NCOA3: variants seen among roughly 807,000 people sequenced by gnomAD.
NCOA3 encodes the protein CBP-interacting protein.
Under a neutral mutation model 158.8 loss-of-function variants are expected in NCOA3, and 51 were observed. The ratio of observed to expected loss-of-function variants is 0.32; its 90% confidence interval spans 0.26 to 0.41. NCOA3 has a LOEUF of 0.41. Ranked by LOEUF, NCOA3 falls within the 10% of genes least tolerant of loss-of-function variation. NCOA3 has a pLI of 1.00. For missense variants in NCOA3, 1,510 were observed against 1,746.6 expected (o/e 0.86, Z 2.41); for synonymous variants, 537 against 592.4 (o/e 0.91, Z 1.36).
chr20:47,573,056 A>G (rs115261779), intron 1 of NCOA3, among the ~76,000 whole-genome samples: 1 of 152,204 alleles, frequency 6.6e-6, no homozygotes, highest in Non-Finnish European at 1.5e-5. Flanking sequence ...ATCTTATATG[A>G]GCACAGTGCA....
chr20:47,593,052 G>A (rs1221219972), intron 2 of NCOA3, among the ~76,000 whole-genome samples: 8 of 151,958 alleles, frequency 5.3e-5, no homozygotes, highest in Non-Finnish European at 1.0e-4. Flanking sequence ...TCCTGCCTCA[G>A]CCTCTCAAGT....
In NCOA3 at chr20:47,639,050, A is replaced by T. The variant is rs368676623; in HGVS notation, c.2555A>T (p.Tyr852Phe). Residue 852 changes from tyrosine to phenylalanine, a missense_variant, in exon 14 of 23, where the codon TAT (tyrosine) becomes TTT (phenylalanine). Physicochemically the swap from Tyr to Phe is conservative, Grantham distance 22. Transcript: ENST00000371998. ...TCTGTGCAGTCTATTCGTCCTCCAT[A>T]TAACCGAGCAGTGTCTCTGGATAGC... is the stretch of plus-strand genomic sequence containing the variant. ...SQSVQSIRPP[Y>F]NRAVSLDSPV... is the part of the protein sequence containing the mutation. 6.2e-7 allele frequency: 1 copy of T among 1,614,116 alleles called. No homozygotes were observed.
At chr20:47,549,305 T>G (rs904068443) in intron 1 of NCOA3, among the ~76,000 whole-genome samples, 2 of 151,662 alleles carry the variant, frequency 1.3e-5, no homozygotes, top group African/African-American at 4.8e-5. Context: ...GAGGATCACT[T>G]AAGCCCAGGA....
intron 1 of NCOA3, among the ~76,000 whole-genome samples, chr20:47,547,789 C>T (rs2084857240): frequency 6.6e-6 from 1 of 151,710 alleles, no homozygotes; most frequent in Non-Finnish European, 1.5e-5. Context: ...GATCTCAGCT[C>T]ACTGCAACCT....
intron 2 of NCOA3, among the ~76,000 whole-genome samples, chr20:47,617,741 G>A (rs533903623): frequency 5.3e-5 from 8 of 152,256 alleles, no homozygotes; most frequent in Admixed American, 3.9e-4. Context: ...GACCAGAAAT[G>A]CTTTTTTATT....
chr20:47,509,251 G>A (rs990969885), intron 1 of NCOA3, among the ~76,000 whole-genome samples: 1 of 151,878 alleles, frequency 6.6e-6, no homozygotes, highest in Non-Finnish European at 1.5e-5. Flanking sequence ...AAAATTAGCC[G>A]GGCATGGTGA....
At chr20:47,630,603 C>T (rs1043813357) in intron 8 of NCOA3, 1 of 152,020 alleles carries the variant, frequency 6.6e-6, no homozygotes, top group African/African-American at 2.4e-5. Context: ...GCTGGGACTA[C>T]AGGTATGTGC....
chr20:47,651,918 G>A (rs754883683), intron 20 of NCOA3, among the ~76,000 whole-genome samples: 14 of 151,828 alleles, frequency 9.2e-5, no homozygotes, highest in Non-Finnish European at 1.9e-4. Context: ...TGCCTGCATC[G>A]GCCTCCCAAA....
At chr20:47,551,737 C>T (rs912521018) in intron 1 of NCOA3, among the ~76,000 whole-genome samples, 16 of 151,962 alleles carry the variant, frequency 1.1e-4, no homozygotes, top group Admixed American at 2.6e-4. Context: ...TTGTGTATGC[C>T]ATAGCAATTT....
At chr20:47,642,594 C>T (rs1271389236) in intron 17 of NCOA3, among the ~76,000 whole-genome samples, 9 of 152,012 alleles carry the variant, frequency 5.9e-5, no homozygotes, top group East Asian at 5.8e-4. Context: ...CTTACGATTG[C>T]GATATTACTT....
intron 1 of NCOA3, among the ~76,000 whole-genome samples, chr20:47,528,558 A>G (rs1423818761): frequency 6.6e-6 from 1 of 152,158 alleles, no homozygotes; most frequent in Non-Finnish European, 1.5e-5. Context: ...TTAGTATACA[A>G]TATATTACTT....
chr20:47,522,099 C>CTTTTTTT lies in NCOA3; in HGVS notation c.-99+20097_-99+20103dup, dbSNP rs772811888. On this transcript the variant is annotated intron_variant, in intron 1 of 22. Coordinates refer to ENST00000371998, the MANE Select transcript of NCOA3 (RefSeq NM_181659.3). ...GTTTTGTAGTTACCATTGTACAGATCTTTTTTTTTTTTTTTTTTTTTTTGA... is the reference window on the plus strand; with the variant it reads ...GTTTTGTAGTTACCATTGTACAGATCTTTTTTTTTTTTTTTTTTTTTTTTTTTTTTGA... Among the ~76,000 whole-genome samples the CTTTTTTT allele has an allele frequency of 5.5e-4, 42 of 76,836 alleles. 1 individual carries two copies. The highest frequency in any genetic ancestry group is 1.2e-3 in the African/African-American group (22 of 19,076). 50.4% of individuals were successfully genotyped at this position (76,836 alleles called of 152,430 possible). A position where few individuals can be genotyped will look rare whatever the true frequency, so the allele number is the denominator to read the frequency against.
At chr20:47,537,583 T>C (rs1017101131) in intron 1 of NCOA3, among the ~76,000 whole-genome samples, 1 of 136,148 alleles carries the variant, frequency 7.3e-6, no homozygotes, top group African/African-American at 2.8e-5. Flanking sequence ...TTACATAGGG[T>C]TTTTTTTTTT....
At chr20:47,540,402 C>T (rs556386807) in intron 1 of NCOA3, among the ~76,000 whole-genome samples, 1 of 151,722 alleles carries the variant, frequency 6.6e-6, no homozygotes, top group Non-Finnish European at 1.5e-5. Context: ...AGTGAAACCC[C>T]CCTCTACTAA....
At chr20:47,648,919 T>C in intron 18 of NCOA3, 86 bp from the exon 19 acceptor site, 1 of 733,464 alleles carries the variant, frequency 1.4e-6, no homozygotes, top group Non-Finnish European at 2.4e-6. Context: ...AGATATTACC[T>C]CATTGGCTGG....
chr20:47,620,048 C>T (rs1394448928), intron 2 of NCOA3, among the ~76,000 whole-genome samples: 8 of 152,122 alleles, frequency 5.3e-5, no homozygotes, highest in African/African-American at 1.9e-4. Flanking sequence ...CCCGCCTCGG[C>T]CTCCCAAAGT....
intron 1 of NCOA3, among the ~76,000 whole-genome samples, chr20:47,572,779 T>C (rs1193313969): frequency 1.3e-5 from 2 of 152,088 alleles, no homozygotes; most frequent in African/African-American, 4.8e-5. Flanking sequence ...TCAAGTCATC[T>C]GCCCGGCTCA....
At chr20:47,584,982 T>C (rs573436897) in intron 2 of NCOA3, among the ~76,000 whole-genome samples, 18 of 151,726 alleles carry the variant, frequency 1.2e-4, no homozygotes, top group Middle Eastern at 3.4e-3. Flanking sequence ...TTTCACCTTG[T>C]GAAGACAAAT....
intron 2 of NCOA3, among the ~76,000 whole-genome samples, chr20:47,593,977 A>C (rs1342551455): frequency 1.3e-5 from 2 of 152,328 alleles, no homozygotes; most frequent in East Asian, 1.9e-4. Context: ...TTCTGCATTC[A>C]TGCCTTCTAA....
Sources: allele counts gnomAD v4.1 joint callset (sites outside exome capture counted in the v4.1 genomes callset), GRCh38; gene constraint gnomAD v4.1.1; transcripts MANE v1.5; gene names NCBI Gene and HGNC (gene_info 2026-07-23, HGNC 2026-07-21).